The following DIP2B variants were observed in gnomAD, a reference collection of about 807,000 sequenced individuals.
The protein encoded by DIP2B is DIP2 acetate--CoA ligase B (putative).
A neutral mutation model predicts 198.0 loss-of-function variants in DIP2B; 76 were observed. The observed-to-expected ratio is 0.38, with a 90% confidence interval of 0.32 to 0.46. The LOEUF is 0.46. DIP2B is among the 20% of genes least tolerant of loss of function. The probability of loss-of-function intolerance (pLI) is 0.99; values close to 1 mark genes in which losing one functional copy is unlikely to be tolerated. For missense variants in DIP2B, 1,559 were observed against 1,978.4 expected, an observed-to-expected ratio of 0.79 and a Z score of 4.02; for synonymous variants, 701 against 739.1, an observed-to-expected ratio of 0.95 and a Z score of 0.84.
chr12:50,610,456 A>G (rs1052175116), intron 1 of DIP2B, among the ~76,000 whole-genome samples: 2 of 152,076 alleles, frequency 1.3e-5, no homozygotes, highest in Non-Finnish European at 1.5e-5. Context: ...CCCTCCTCCA[A>G]GTGAAACTTC....
In DIP2B at chr12:50,701,761, G is replaced by A. The variant is rs142363685; in HGVS notation, c.2326-2379G>A. The stretch of plus-strand genomic sequence containing the variant: ...CCAGGGAGAAAAACTTTTGTGACAT[G>A]TATGACAACAGTTGATTTTCCATCA... On this transcript the variant is annotated intron_variant, in intron 19 of 37. Transcript: ENST00000301180. 8.6e-3 allele frequency among the ~76,000 whole-genome samples: 1,307 copies of A among 152,122 alleles called. 27 individuals are homozygous for A. The highest frequency in any genetic ancestry group is 0.03 in the African/African-American group (1,232 of 41,490).
chr12:50,702,734 T>TAAAA (rs35373628), intron 19 of DIP2B, among the ~76,000 whole-genome samples: 4,417 of 40,640 alleles, frequency 0.11, 468 homozygotes, highest in Non-Finnish European at 0.14. Context: ...CCTCATCTCT[T>TAAAA]AAAAAAAAAA....
At chr12:50,560,179 G>A (rs1958506667) in intron 1 of DIP2B, among the ~76,000 whole-genome samples, 1 of 152,036 alleles carries the variant, frequency 6.6e-6, no homozygotes, top group South Asian at 2.1e-4. Context: ...TGGATCACGA[G>A]GTCAGGAGAT....
Position 50,732,500 on chromosome 12 carries a change from T to G in DIP2B, c.3945T>G (p.Thr1315=), listed in dbSNP as rs753714892. 2.5e-6 allele frequency: 4 copies of G among 1,614,086 alleles called. No homozygotes were observed. The stretch of plus-strand genomic sequence containing the variant: ...TGTCCCCGCGGGCTGTCAGCACCAC[T>G]TTTGGATCAAGAGTCAATGTAGCAA... The part of the protein sequence containing the change: ...IGLSPRAVST[T]FGSRVNVAIC... The change falls in exon 32 of 38, where the codon ACT becomes ACG. Residue 1315 remains threonine, a synonymous_variant. Transcript: ENST00000301180.
intron 37 of DIP2B, among the ~76,000 whole-genome samples, chr12:50,744,072 G>T (rs908719394): frequency 3.3e-5 from 5 of 152,156 alleles, no homozygotes; most frequent in Non-Finnish European, 7.3e-5. Context: ...CGCAAACTTG[G>T]CTCACTGCAA....
chr12:50,538,749 A>G (rs994585839), intron 1 of DIP2B, among the ~76,000 whole-genome samples: 1 of 152,152 alleles, frequency 6.6e-6, no homozygotes, highest in Non-Finnish European at 1.5e-5. Flanking sequence ...TATTCCACAC[A>G]TACAGTTTTT....
Position 50,674,402 on chromosome 12 carries a change from CAAAA to C in DIP2B, c.641-71_641-68del. The C allele has an allele frequency of 7.7e-6, 12 of 1,558,428 alleles. 1 individual carries two copies. In the South Asian group the frequency reaches 1.3e-4, roughly 17 times the overall value. On this transcript the variant is annotated intron_variant, in intron 5 of 37. Coordinates refer to ENST00000301180, the MANE Select transcript of DIP2B (RefSeq NM_173602.3). ...TGTACTTTTCTTCCTTGTTAAAAAA[CAAAA>C]CCCCAAAGATTTGAAGGTTCTTAGT...
intron 1 of DIP2B, among the ~76,000 whole-genome samples, chr12:50,508,726 C>T (rs1957988894): frequency 6.3e-5 from 8 of 127,040 alleles, no homozygotes; most frequent in East Asian, 2.5e-4. Flanking sequence ...TTTTTTTTTG[C>T]GATGGAGTTT....
chr12:50,557,627 G>A (rs1958482951), intron 1 of DIP2B, among the ~76,000 whole-genome samples: 1 of 152,214 alleles, frequency 6.6e-6, no homozygotes, highest in African/African-American at 2.4e-5. Flanking sequence ...GATATTGCCT[G>A]AGGGATCTGC....
intron 1 of DIP2B, among the ~76,000 whole-genome samples, chr12:50,513,092 G>A (rs1958032837): frequency 6.6e-6 from 1 of 152,192 alleles, no homozygotes; most frequent in African/African-American, 2.4e-5. Context: ...AGTATAGTAT[G>A]GCGTGCGGTG....
chr12:50,682,561 G>A (rs1490396211), intron 9 of DIP2B, among the ~76,000 whole-genome samples: 10 of 150,018 alleles, frequency 6.7e-5, no homozygotes, highest in African/African-American at 2.5e-4. Flanking sequence ...CCCAGGAGGC[G>A]GAGCTTGCAG....
intron 1 of DIP2B, among the ~76,000 whole-genome samples, chr12:50,512,910 G>A (rs879828375): frequency 5.9e-5 from 9 of 152,174 alleles, no homozygotes; most frequent in Admixed American, 3.3e-4. Context: ...GGGAGGCTGA[G>A]GCAGGAGAAT....
At chr12:50,714,342 G>A (rs1939673837) in intron 22 of DIP2B, 53 bp from the exon 23 acceptor site, 1 of 1,601,844 alleles carries the variant, frequency 6.2e-7, no homozygotes, top group African/African-American at 1.3e-5. Context: ...CCAGGAATAT[G>A]TCAAATGTAA....
intron 10 of DIP2B, 112 bp downstream of exon 10, chr12:50,683,360 C>A: frequency 1.3e-6 from 1 of 759,950 alleles, no homozygotes; most frequent in Non-Finnish European, 2.1e-6. Flanking sequence ...TTTGGAAGTA[C>A]TCAGCTTCAC....
chr12:50,631,123 C>T lies in DIP2B; in HGVS notation c.172+5076C>T, dbSNP rs149386213. On this transcript the variant is annotated intron_variant, in intron 2 of 37. Transcript: ENST00000301180. The stretch of plus-strand genomic sequence containing the variant: ...CTCTTTCTCCGGTCAGTTTCCTCCT[C>T]CTCCTTCTTTTCTTTTTTTGAGACA... Among the ~76,000 whole-genome samples the T allele has an allele frequency of 4.6e-3, 699 of 151,728 alleles. 8 individuals carry two copies. The highest frequency in any genetic ancestry group is 0.016 in the African/African-American group (660 of 41,388).
At chr12:50,733,463 G>C (rs1437903940) in intron 32 of DIP2B, among the ~76,000 whole-genome samples, 1 of 152,118 alleles carries the variant, frequency 6.6e-6, no homozygotes, top group African/African-American at 2.4e-5. Flanking sequence ...CAAGGCAGGA[G>C]GATTGCTTGA....
intron 1 of DIP2B, among the ~76,000 whole-genome samples, chr12:50,615,916 GA>G (rs1188403425): frequency 6.6e-6 from 1 of 152,158 alleles, no homozygotes; most frequent in Non-Finnish European, 1.5e-5. Flanking sequence ...CTGTCCCTTT[GA>G]CACCTCAGGT....
At chr12:50,593,546 A>G (rs1254810101) in intron 1 of DIP2B, among the ~76,000 whole-genome samples, 1 of 151,402 alleles carries the variant, frequency 6.6e-6, no homozygotes, top group Non-Finnish European at 1.5e-5. Flanking sequence ...TCCATTAAGG[A>G]TATGTCCCAA....
intron 1 of DIP2B, among the ~76,000 whole-genome samples, chr12:50,614,323 C>T (rs1010269014): frequency 2.0e-5 from 3 of 152,180 alleles, no homozygotes; most frequent in African/African-American, 7.2e-5. Context: ...GTGTCATCAT[C>T]GTCTCCATTT....
Sources: allele counts gnomAD v4.1 joint callset (sites outside exome capture counted in the v4.1 genomes callset), GRCh38; gene constraint gnomAD v4.1.1; transcripts MANE v1.5; gene names NCBI Gene and HGNC (gene_info 2026-07-23, HGNC 2026-07-21).